The following WDR7 variants were observed in gnomAD, a reference collection of about 807,000 sequenced individuals.
WDR7 encodes WD repeat-containing protein 7.
Under a neutral mutation model 169.4 loss-of-function variants are expected in WDR7, and 46 were observed. That is an observed-to-expected ratio of 0.27 (90% CI 0.21 to 0.35). WDR7 has a LOEUF of 0.35. Among genes scored for constraint, WDR7 ranks in the 10% least tolerant of loss-of-function variants. WDR7 has a pLI of 1.00. For missense variants in WDR7, 1,534 were observed against 1,859.3 expected (o/e 0.83, Z 3.22); for synonymous variants, 612 against 666.8 (o/e 0.92, Z 1.27).
At chr18:56,779,345 GT>G in intron 17 of WDR7, 85 bp from the exon 18 acceptor site, 1 of 997,364 alleles carries the variant, frequency 1.0e-6, no homozygotes, top group Non-Finnish European at 1.5e-6. Context: ...GCCTTTTTTT[GT>G]TTTTGGTATA....
chr18:56,689,456 C>T (rs970675821), intron 7 of WDR7, among the ~76,000 whole-genome samples: 5 of 152,138 alleles, frequency 3.3e-5, no homozygotes, highest in African/African-American at 9.7e-5. Context: ...AGATGGGTTT[C>T]ACCTTGTTGC....
In WDR7 at chr18:56,822,519, A is replaced by G. The variant is rs1356391433; in HGVS notation, c.3304+6375A>G. On this transcript the variant is annotated intron_variant, in intron 20 of 27. Coordinates refer to ENST00000254442, the MANE Select transcript of WDR7 (RefSeq NM_015285.3). ...GTACAGATAAGCTCCAAAGAACAAA[A>G]TACGGCATATTATGTATTCAGAAAC... is the stretch of plus-strand genomic sequence containing the variant. 2.6e-5 allele frequency among the ~76,000 whole-genome samples: 4 copies of G among 152,246 alleles called. No homozygotes were observed. The South Asian group carries it at 8.3e-4, about 32-fold the overall frequency.
rs561525127 is a variant in WDR7, at chr18:56,651,476, C to T, written c.-120C>T. On this transcript the variant is annotated 5_prime_UTR_variant, in exon 1 of 28. Coordinates refer to ENST00000254442, the MANE Select transcript of WDR7 (RefSeq NM_015285.3). ...ATTATCCCAGCAGGATCTACGCACC[C>T]CGCATCCTCCGTAGTTCCGCCCTAT... 6.6e-6 allele frequency: 1 copy of T among 152,586 alleles called. No individual in the cohort carries two copies. The highest frequency in any genetic ancestry group is 1.5e-5 in the Non-Finnish European group (1 of 68,300). 9.5% of individuals were successfully genotyped at this position (152,586 alleles called of 1,614,324 possible). A position where few individuals can be genotyped will look rare whatever the true frequency, so the allele number is the denominator to read the frequency against.
intron 22 of WDR7, among the ~76,000 whole-genome samples, chr18:56,934,280 A>T (rs1186330834): frequency 6.6e-6 from 1 of 152,132 alleles, no homozygotes; most frequent in Non-Finnish European, 1.5e-5. Flanking sequence ...CATTTCTTTC[A>T]CTGAATTTGC....
intron 12 of WDR7, chr18:56,699,673 T>C (rs1226172745): frequency 5.3e-5 from 11 of 207,776 alleles, no homozygotes; most frequent in Non-Finnish European, 9.2e-5. Context: ...TGAATAAGAA[T>C]GTACAAAGCT....
At position 56,895,007 on chromosome 18, in the gene WDR7, T is replaced by A. The variant is rs181423132; in HGVS notation, c.3526+14842T>A. Among the ~76,000 whole-genome samples the A allele has an allele frequency of 2.3e-3, 348 of 152,206 alleles. 2 individuals carry two copies. Among genetic ancestry groups the A allele is most frequent in the African/African-American group, 7.8e-3 (326 of 41,554 alleles). On this transcript the variant is annotated intron_variant, in intron 21 of 27. Coordinates refer to ENST00000254442, the MANE Select transcript of WDR7 (RefSeq NM_015285.3). ...GACTCTTAATAAACAATGAGTAGAA[T>A]AACTTTCATTAGCATGATACAGAAT... is the stretch of plus-strand genomic sequence containing the variant.
intron 5 of WDR7, among the ~76,000 whole-genome samples, chr18:56,684,999 G>A (rs1268717861): frequency 1.3e-5 from 2 of 152,126 alleles, no homozygotes; most frequent in Non-Finnish European, 2.9e-5. Context: ...GTGACCAAGC[G>A]GTTTGCCTAT....
intron 23 of WDR7, among the ~76,000 whole-genome samples, chr18:56,936,606 T>TTTTTAAAGTAATAAA (rs2046964400): frequency 2.0e-5 from 3 of 152,172 alleles, no homozygotes; most frequent in African/African-American, 7.2e-5. Context: ...CTATGATGAA[T>TTTTTAAAGTAATAAA]TTTTAAAGTA....
intron 21 of WDR7, among the ~76,000 whole-genome samples, chr18:56,904,174 A>G (rs997530192): frequency 6.6e-6 from 1 of 151,356 alleles, no homozygotes; most frequent in South Asian, 2.1e-4. Flanking sequence ...GGTTCGAGTG[A>G]TTCTCCTGCC....
In WDR7 at chr18:56,780,657, G is replaced by A. The variant is rs371209518; in HGVS notation, c.3067-876G>A. Among the ~76,000 whole-genome samples, 82 of 152,134 alleles carry A rather than the reference G, an allele frequency of 5.4e-4. 3 individuals carry two copies. The South Asian group carries it at 0.011, about 20-fold the overall frequency. On this transcript the variant is annotated intron_variant, in intron 18 of 27. Coordinates refer to ENST00000254442, the MANE Select transcript of WDR7 (RefSeq NM_015285.3). The stretch of plus-strand genomic sequence containing the variant: ...CTAAAAATACAAAAAAAAATTAGCC[G>A]GTCGTGGTGGCATACGCCTGTAGTC...
intron 20 of WDR7, among the ~76,000 whole-genome samples, chr18:56,817,221 T>C (rs150564439): frequency 0.014 from 2,112 of 151,640 alleles, 29 homozygotes; most frequent in East Asian, 0.035. Context: ...GGTGGGCGCC[T>C]GTCATTCCAG....
intron 2 of WDR7, among the ~76,000 whole-genome samples, chr18:56,678,923 T>C (rs1230081846): frequency 1.3e-5 from 2 of 152,218 alleles, no homozygotes. Flanking sequence ...ACAAATGGAG[T>C]CTCTCTCTCT....
intron 20 of WDR7, among the ~76,000 whole-genome samples, chr18:56,823,511 A>T (rs1256228812): frequency 2.0e-5 from 3 of 152,148 alleles, no homozygotes; most frequent in Non-Finnish European, 4.4e-5. Context: ...GCTTGAACCC[A>T]GGAGGCGGAG....
intron 21 of WDR7, among the ~76,000 whole-genome samples, chr18:56,903,135 C>A (rs1469911672): frequency 6.6e-6 from 1 of 152,256 alleles, no homozygotes. Flanking sequence ...TTAATAGCAA[C>A]CTTGCCTAAA....
chr18:56,864,771 G>A (rs567054270), intron 20 of WDR7, among the ~76,000 whole-genome samples: 3 of 151,922 alleles, frequency 2.0e-5, no homozygotes, highest in Non-Finnish European at 3.0e-5. Context: ...GATAAAGGAA[G>A]CATTATTTTA....
chr18:56,916,478 T>C lies in WDR7; in HGVS notation c.3527-7444T>C, dbSNP rs191260762. ...TTTTTTATGGCTGCATAGTATTCCA[T>C]GGTGTATATGTGCCACATTTTCTTA... On this transcript the variant is annotated intron_variant, in intron 21 of 27. Coordinates refer to ENST00000254442, the MANE Select transcript of WDR7 (RefSeq NM_015285.3). 3.6e-3 allele frequency among the ~76,000 whole-genome samples: 541 copies of C among 152,318 alleles called. 1 individual carries two copies. The highest frequency in any genetic ancestry group is 6.1e-3 in the Non-Finnish European group (416 of 68,030).
intron 5 of WDR7, among the ~76,000 whole-genome samples, chr18:56,683,282 T>G (rs951250617): frequency 6.6e-5 from 10 of 152,186 alleles, no homozygotes; most frequent in Non-Finnish European, 1.3e-4. Context: ...ACAGTTAAAT[T>G]TAATGAAAGT....
intron 26 of WDR7, among the ~76,000 whole-genome samples, chr18:56,998,849 A>G (rs866570317): frequency 9.2e-5 from 14 of 152,352 alleles, no homozygotes; most frequent in South Asian, 6.2e-4. Context: ...ATGAGAGCAT[A>G]TATTTTAAAA....
intron 26 of WDR7, among the ~76,000 whole-genome samples, chr18:56,992,102 A>G (rs113959803): frequency 0.017 from 2,590 of 152,314 alleles, 32 homozygotes; most frequent in Middle Eastern, 0.044. Context: ...TAGCTAATCA[A>G]ATAACAACTT....
Sources: gnomAD v4.1 joint callset for allele counts (sites outside exome capture counted in the v4.1 genomes callset) on GRCh38, gnomAD v4.1.1 for gene constraint, MANE v1.5 for transcripts, NCBI Gene and HGNC (gene_info 2026-07-23, HGNC 2026-07-21) for gene names.